DACH2: variants seen among roughly 807,000 people sequenced by gnomAD.
DACH2 encodes dachshund homolog 2.
In DACH2, 17 loss-of-function variants were observed where a neutral mutation model predicts 35.8. That is an observed-to-expected ratio of 0.48 (90% CI 0.33 to 0.71). DACH2 has a LOEUF of 0.71. Ranked by LOEUF, DACH2 falls within the 30% of genes least tolerant of loss-of-function variation. DACH2 has a pLI of 0.02. For missense variants in DACH2, 469 were observed against 472.7 expected, an observed-to-expected ratio of 0.99 and a Z score of 0.07; for synonymous variants, 195 against 177.3, an observed-to-expected ratio of 1.10 and a Z score of -0.79.
At chrX:86,411,090 G>A (rs1015381913) in intron 2 of DACH2, among the ~76,000 whole-genome samples, 1 of 90,295 alleles carries the variant, frequency 1.1e-5, no homozygotes, top group Non-Finnish European at 2.1e-5. Context: ...CGATCACAGG[G>A]TCCCACAATA....
intron 4 of DACH2, among the ~76,000 whole-genome samples, chrX:86,688,082 A>G (rs1292858494): frequency 1.8e-5 from 2 of 111,876 alleles, no homozygotes; most frequent in Non-Finnish European, 3.8e-5. Flanking sequence ...ATGTATTCAT[A>G]CAACATTTGT....
At chrX:86,272,199 A>AGTGTGTGT (rs139733313) in intron 1 of DACH2, among the ~76,000 whole-genome samples, 2,395 of 100,429 alleles carry the variant, frequency 0.024, 50 homozygotes, top group African/African-American at 0.071. Flanking sequence ...TTCCTTTGAG[A>AGTGTGTGT]GTGTGTGTGT....
chrX:86,672,478 C>T (rs1226226797), intron 4 of DACH2, among the ~76,000 whole-genome samples: 2 of 111,358 alleles, frequency 1.8e-5, no homozygotes, highest in Non-Finnish European at 3.8e-5. Context: ...GACCCCAATG[C>T]CCTGATCAAC....
chrX:86,652,461 C>T lies in DACH2; in HGVS notation c.772+1294C>T, dbSNP rs148100869. On this transcript the variant is annotated intron_variant, in intron 4 of 11. Transcript: ENST00000373125. ...AATTTATATTCCTTTGGGTGTATAC[C>T]CAGTAGTGGGATGGTTGGGTCAAAG... 6.0e-3 allele frequency among the ~76,000 whole-genome samples: 666 copies of T among 111,854 alleles called. 3 individuals carry two copies. Among genetic ancestry groups the T allele is most frequent in the African/African-American group, 0.021 (632 of 30,731 alleles).
At chrX:86,257,848 A>G (rs1193862283) in intron 1 of DACH2, among the ~76,000 whole-genome samples, 2 of 112,370 alleles carry the variant, frequency 1.8e-5, no homozygotes, top group Non-Finnish European at 3.8e-5. Context: ...TGATATGGTC[A>G]GCTAAGATGC....
At chrX:86,408,427 G>A (rs372429567) in intron 2 of DACH2, among the ~76,000 whole-genome samples, 3 of 111,440 alleles carry the variant, frequency 2.7e-5, no homozygotes, top group Non-Finnish European at 5.6e-5. Context: ...TCATGTGAAA[G>A]CATTCCTCTT....
chrX:86,747,867 TA>T (rs1177069349), intron 7 of DACH2, among the ~76,000 whole-genome samples: 8 of 112,185 alleles, frequency 7.1e-5, no homozygotes, highest in Admixed American at 9.5e-5. Flanking sequence ...TTACCTGCAG[TA>T]AATTTCTTTC....
intron 7 of DACH2, among the ~76,000 whole-genome samples, chrX:86,744,301 T>G (rs1158929322): frequency 1.8e-5 from 2 of 110,931 alleles, no homozygotes; most frequent in African/African-American, 6.5e-5. Context: ...TGGAAAGGTT[T>G]TTATTAAAAA....
chrX:86,450,315 C>A (rs958396302), intron 2 of DACH2, among the ~76,000 whole-genome samples: 1 of 111,342 alleles, frequency 9.0e-6, no homozygotes, highest in Non-Finnish European at 1.9e-5. Flanking sequence ...TAAGTGAGAA[C>A]ATGCAGTGTT....
rs7052529 is a variant in DACH2, at chrX:86,173,660, G to A, written c.488+24552G>A. On this transcript the variant is annotated intron_variant, in intron 1 of 11. Transcript: ENST00000373125. ...ATGGAGTAGGAAAGAGATCATAATG[G>A]TAATATTGGGGAGTTGGCCACATGG... 7.5e-3 allele frequency among the ~76,000 whole-genome samples: 844 copies of A among 111,816 alleles called. 11 individuals are homozygous for A. The highest frequency in any genetic ancestry group is 0.025 in the African/African-American group (781 of 30,763).
At chrX:86,534,895 A>AT (rs1311293731) in intron 3 of DACH2, among the ~76,000 whole-genome samples, 1 of 111,745 alleles carries the variant, frequency 8.9e-6, no homozygotes, top group Admixed American at 9.6e-5. Flanking sequence ...TTAAATTTAT[A>AT]TTTTTTCAAA....
At chrX:86,304,374 AG>A (rs959489491) in intron 1 of DACH2, 7 of 112,127 alleles carry the variant, frequency 6.2e-5, no homozygotes, top group African/African-American at 2.3e-4. Flanking sequence ...ATGGCAGTAA[AG>A]GAATCAACTT....
intron 1 of DACH2, among the ~76,000 whole-genome samples, chrX:86,292,251 T>C (rs1406880754): frequency 2.8e-5 from 2 of 71,570 alleles, no homozygotes; most frequent in Non-Finnish European, 5.0e-5. Context: ...AGTTTGTATT[T>C]CTGTGGGATC....
At chrX:86,513,038 A>T (rs1254261349) in intron 2 of DACH2, 1 of 233,767 alleles carries the variant, frequency 4.3e-6, no homozygotes, top group East Asian at 1.1e-4. Context: ...ACACTAGCAC[A>T]GTGTATGAAA....
At position 86,731,969 on chromosome X, in the gene DACH2, G is replaced by T. The variant is rs146226756; in HGVS notation, c.1105-7778G>T. Among the ~76,000 whole-genome samples the T allele has an allele frequency of 9.1e-3, 1,020 of 112,201 alleles. 4 individuals are homozygous for T. Among genetic ancestry groups the T allele is most frequent in the Non-Finnish European group, 0.015 (791 of 53,020 alleles). On this transcript the variant is annotated intron_variant, in intron 6 of 11. Transcript: ENST00000373125. The stretch of plus-strand genomic sequence containing the variant: ...AATGGTAGCCACTAGGCATGTGTGG[G>T]TATTTTAACTTAAATAAAAATATAA...
At chrX:86,193,894 A>T (rs2031902507) in intron 1 of DACH2, among the ~76,000 whole-genome samples, 1 of 108,843 alleles carries the variant, frequency 9.2e-6, no homozygotes, top group Non-Finnish European at 1.9e-5. Context: ...AGACATTAAC[A>T]TATATATTAT....
chrX:86,795,294 C>T (rs185077139), intron 7 of DACH2, among the ~76,000 whole-genome samples: 2 of 101,221 alleles, frequency 2.0e-5, no homozygotes, highest in East Asian at 6.3e-4. Flanking sequence ...AGTGCAGTGG[C>T]GCTATCTCTG....
chrX:86,355,281 T>C (rs1256682512), intron 1 of DACH2, among the ~76,000 whole-genome samples: 1 of 112,147 alleles, frequency 8.9e-6, no homozygotes, highest in Non-Finnish European at 1.9e-5. Context: ...TCCATACATA[T>C]ACACATCTTT....
chrX:86,529,967 ACACACACACG>A (rs770924816), intron 3 of DACH2, among the ~76,000 whole-genome samples: 3 of 51,868 alleles, frequency 5.8e-5, no homozygotes, highest in Non-Finnish European at 1.2e-4. Flanking sequence ...ACACACACAC[ACACACACACG>A]CACACACACA....
Sources: gnomAD v4.1 joint callset for allele counts (sites outside exome capture counted in the v4.1 genomes callset) on GRCh38, gnomAD v4.1.1 for gene constraint, MANE v1.5 for transcripts, NCBI Gene and HGNC (gene_info 2026-07-23, HGNC 2026-07-21) for gene names.